TMEM132D: variants seen among roughly 807,000 people sequenced by gnomAD.
TMEM132D encodes transmembrane protein 132D.
Under a neutral mutation model 62.3 loss-of-function variants are expected in TMEM132D, and 21 were observed. That is an observed-to-expected ratio of 0.34 (90% CI 0.24 to 0.49). The LOEUF (loss-of-function observed/expected upper bound fraction) is 0.49. Among genes scored for constraint, TMEM132D ranks in the 20% least tolerant of loss-of-function variants. The pLI, the probability that TMEM132D is intolerant of heterozygous loss-of-function variation, is 0.99. For synonymous variants in TMEM132D, 621 were observed against 575.6 expected (o/e 1.08, Z -1.13); for missense variants, 1,346 against 1,402.8 (o/e 0.96, Z 0.65).
Position 129,776,788 on chromosome 12 carries a change from CAAAAAAAA to C in TMEM132D, c.80-76098_80-76091del, listed in dbSNP as rs148740560. The stretch of plus-strand genomic sequence containing the variant: ...AGCTACATTTTTAAATAATGGGCTT[CAAAAAAAA>C]AAAAAAAAAAAGAAAAGGAAAAATC... On this transcript the variant is annotated intron_variant, in intron 1 of 8. Transcript: ENST00000422113. Among the ~76,000 whole-genome samples the C allele has an allele frequency of 1.2e-4, 8 of 68,466 alleles. No individual in the cohort carries two copies. The East Asian group carries it at 1.8e-3, about 16-fold the overall frequency. The allele number at this position is 68,466 out of a possible 152,430, so 44.9% of individuals were successfully genotyped here.
At chr12:129,690,669 C>T (rs1881042684) in intron 2 of TMEM132D, among the ~76,000 whole-genome samples, 1 of 152,114 alleles carries the variant, frequency 6.6e-6, no homozygotes, top group African/African-American at 2.4e-5. Flanking sequence ...GCGTATGCAT[C>T]TAACAAATGC....
At chr12:129,155,884 A>G (rs1016608988) in intron 5 of TMEM132D, among the ~76,000 whole-genome samples, 4 of 151,878 alleles carry the variant, frequency 2.6e-5, no homozygotes, top group Non-Finnish European at 4.4e-5. Context: ...CCACTCCCCC[A>G]GTAACCAACC....
intron 3 of TMEM132D, among the ~76,000 whole-genome samples, chr12:129,410,679 T>A (rs1871942781): frequency 6.6e-6 from 1 of 152,180 alleles, no homozygotes; most frequent in Admixed American, 6.5e-5. Context: ...GAACTTCTAA[T>A]GTACTTGTCT....
At chr12:129,177,168 G>A (rs926456520) in intron 5 of TMEM132D, among the ~76,000 whole-genome samples, 14 of 152,172 alleles carry the variant, frequency 9.2e-5, no homozygotes, top group Admixed American at 8.5e-4. Flanking sequence ...TTACAAGTAA[G>A]AGTATCTCAT....
At chr12:129,172,810 T>C (rs1037369384) in intron 5 of TMEM132D, among the ~76,000 whole-genome samples, 5 of 152,162 alleles carry the variant, frequency 3.3e-5, no homozygotes, top group African/African-American at 1.2e-4. Context: ...ACTCCCGGCC[T>C]CAGGCGATCC....
At chr12:129,739,183 C>G (rs1296688192) in intron 1 of TMEM132D, among the ~76,000 whole-genome samples, 1 of 152,184 alleles carries the variant, frequency 6.6e-6, no homozygotes, top group East Asian at 1.9e-4. Context: ...ATATCGGCTC[C>G]CGGGTCCCAG....
chr12:129,562,783 G>A (rs1170522799), intron 2 of TMEM132D, among the ~76,000 whole-genome samples: 1 of 152,102 alleles, frequency 6.6e-6, no homozygotes, highest in Non-Finnish European at 1.5e-5. Context: ...CTATTCCTGG[G>A]TGTAGAATAT....
intron 3 of TMEM132D, among the ~76,000 whole-genome samples, chr12:129,460,171 G>A (rs1003682571): frequency 6.6e-6 from 1 of 152,106 alleles, no homozygotes; most frequent in Non-Finnish European, 1.5e-5. Flanking sequence ...ACGTGCTCCT[G>A]TCCCAGTGAC....
intron 3 of TMEM132D, among the ~76,000 whole-genome samples, chr12:129,388,477 C>A: frequency 9.3e-6 from 1 of 107,072 alleles, no homozygotes; most frequent in South Asian, 2.9e-4. Context: ...AACACCAACA[C>A]AAATCCTAAT....
At chr12:129,514,931 G>A (rs1314623057) in intron 3 of TMEM132D, among the ~76,000 whole-genome samples, 1 of 152,164 alleles carries the variant, frequency 6.6e-6, no homozygotes, top group Admixed American at 6.5e-5. Context: ...AATGCCTGGT[G>A]ATGGAAAACA....
chr12:129,229,649 GA>G (rs1197112447), intron 4 of TMEM132D, among the ~76,000 whole-genome samples: 1 of 152,212 alleles, frequency 6.6e-6, no homozygotes, highest in Non-Finnish European at 1.5e-5. Context: ...AATTGGTATG[GA>G]AAGGACATAG....
chr12:129,271,826 T>C (rs371291669), intron 4 of TMEM132D, among the ~76,000 whole-genome samples: 6 of 151,958 alleles, frequency 3.9e-5, no homozygotes, highest in African/African-American at 7.3e-5. Flanking sequence ...GGCATTTAGG[T>C]TGCTTTCAAG....
At chr12:129,711,715 G>A (rs1223576100) in intron 1 of TMEM132D, among the ~76,000 whole-genome samples, 13 of 103,292 alleles carry the variant, frequency 1.3e-4, no homozygotes, top group South Asian at 1.2e-3. Flanking sequence ...CAACAAGAGC[G>A]AAATTCCATC....
intron 1 of TMEM132D, among the ~76,000 whole-genome samples, chr12:129,723,649 G>A (rs938420320): frequency 6.6e-5 from 10 of 152,178 alleles, no homozygotes; most frequent in South Asian, 4.1e-4. Context: ...ACCTTGTCCC[G>A]ACCCTTGCTC....
At chr12:129,835,588 G>A (rs1872981180) in intron 1 of TMEM132D, among the ~76,000 whole-genome samples, 1 of 152,174 alleles carries the variant, frequency 6.6e-6, no homozygotes, top group African/African-American at 2.4e-5. Flanking sequence ...ACCACACCGA[G>A]CCTGTGCATG....
chr12:129,707,226 T>A (rs974995967), intron 1 of TMEM132D, among the ~76,000 whole-genome samples: 30 of 148,178 alleles, frequency 2.0e-4, no homozygotes, highest in Non-Finnish European at 4.3e-4. Flanking sequence ...ATATTATATA[T>A]GTATATAATA....
chr12:129,755,864 C>T (rs929461831), intron 1 of TMEM132D, among the ~76,000 whole-genome samples: 1 of 152,184 alleles, frequency 6.6e-6, no homozygotes, highest in African/African-American at 2.4e-5. Flanking sequence ...AACTTTCTCA[C>T]ATTCTGGTCA....
chr12:129,095,442 C>A (rs1175034754), intron 5 of TMEM132D, among the ~76,000 whole-genome samples: 1 of 148,308 alleles, frequency 6.7e-6, no homozygotes, highest in Non-Finnish European at 1.5e-5. Context: ...GCAACCTCTG[C>A]CTCCCAGGTT....
At chr12:129,203,245 G>T (rs549749131) in intron 5 of TMEM132D, among the ~76,000 whole-genome samples, 2 of 152,282 alleles carry the variant, frequency 1.3e-5, no homozygotes, top group African/African-American at 4.8e-5. Context: ...TCCTTTTTCT[G>T]TCTATAAATG....
Sources: gnomAD v4.1 joint callset for allele counts (sites outside exome capture counted in the v4.1 genomes callset) on GRCh38, gnomAD v4.1.1 for gene constraint, MANE v1.5 for transcripts, NCBI Gene and HGNC (gene_info 2026-07-23, HGNC 2026-07-21) for gene names.